The following ATP13A5 variants were observed in gnomAD, a reference collection of about 807,000 sequenced individuals.
ATP13A5 encodes ATPase 13A5.
In ATP13A5, 149 loss-of-function variants were observed where a neutral mutation model predicts 150.2. The observed-to-expected ratio is 0.99, with a 90% CI of 0.87 to 1.14. The LOEUF is 1.14. ATP13A5 is among the 50% of genes most tolerant of loss of function. The probability of loss-of-function intolerance (pLI) is 0.00; values close to 1 mark genes in which losing one functional copy is unlikely to be tolerated. For synonymous variants in ATP13A5, 497 were observed against 522.2 expected, an observed-to-expected ratio of 0.95 and a Z score of 0.66; for missense variants, 1,383 against 1,449.3, an observed-to-expected ratio of 0.95 and a Z score of 0.74.
chr3:193,342,391 G>A (rs1712161882), intron 9 of ATP13A5, among the ~76,000 whole-genome samples: 1 of 152,156 alleles, frequency 6.6e-6, no homozygotes, highest in South Asian at 2.1e-4. Context: ...TATGTAGGCT[G>A]TGCAATAAAG....
chr3:193,345,086 A>G lies in ATP13A5; in HGVS notation c.742-11T>C, dbSNP rs201639084. The G allele has an allele frequency of 1.2e-6, 2 of 1,610,848 alleles. No homozygotes were observed. The highest frequency in any genetic ancestry group is 1.7e-6 in the Non-Finnish European group (2 of 1,177,168). ...CAGCTTAACTGATTGCTACCAAGTA[A>G]AAGTTAACATTTAAACATTAGATAG... On this transcript the variant is annotated splice_polypyrimidine_tract_variant and intron_variant, in intron 7 of 29. Coordinates refer to ENST00000342358, the MANE Select transcript of ATP13A5 (RefSeq NM_198505.4).
At chr3:193,375,642 G>T (rs1327602582) in intron 1 of ATP13A5, among the ~76,000 whole-genome samples, 1 of 152,152 alleles carries the variant, frequency 6.6e-6, no homozygotes, top group African/African-American at 2.4e-5. Flanking sequence ...AATATTGATT[G>T]CAGGGCTGTT....
intron 7 of ATP13A5, 114 bp from the exon 8 acceptor site, chr3:193,345,189 A>G: frequency 3.1e-6 from 3 of 958,402 alleles, no homozygotes; most frequent in Non-Finnish European, 5.0e-6. Context: ...CTCTGGGCAA[A>G]GGACTCAACT....
At chr3:193,370,605 A>G (rs1713405634) in intron 1 of ATP13A5, among the ~76,000 whole-genome samples, 1 of 152,212 alleles carries the variant, frequency 6.6e-6, no homozygotes, top group African/African-American at 2.4e-5. Context: ...GAGAATAATA[A>G]CAGTCACTAT....
chr3:193,314,631 A>T (rs1718979046), intron 18 of ATP13A5, among the ~76,000 whole-genome samples: 1 of 152,176 alleles, frequency 6.6e-6, no homozygotes, highest in African/African-American at 2.4e-5. Flanking sequence ...CTAGAGGACC[A>T]TCAACCAGAG....
intron 29 of ATP13A5, among the ~76,000 whole-genome samples, chr3:193,276,434 ACCTGGTCT>A (rs1717205087): frequency 6.6e-6 from 1 of 152,232 alleles, no homozygotes; most frequent in Non-Finnish European, 1.5e-5. Context: ...TTGGAAGGTC[ACCTGGTCT>A]AGTCTTTACT....
chr3:193,315,178 A>T, intron 17 of ATP13A5, 82 bp from the exon 18 acceptor site: 5 of 1,407,230 alleles, frequency 3.6e-6, no homozygotes, highest in Non-Finnish European at 4.8e-6. Context: ...TTAAAAATTT[A>T]TAAGTTTTAT....
chr3:193,373,984 G>A (rs998503176), intron 1 of ATP13A5, among the ~76,000 whole-genome samples: 1 of 152,194 alleles, frequency 6.6e-6, no homozygotes, highest in African/African-American at 2.4e-5. Context: ...AACACAGATG[G>A]AATTGCTGGG....
At chr3:193,300,406 A>G (rs1718353615) in intron 24 of ATP13A5, among the ~76,000 whole-genome samples, 1 of 152,148 alleles carries the variant, frequency 6.6e-6, no homozygotes, top group African/African-American at 2.4e-5. Flanking sequence ...TCTGACTCCC[A>G]GTCCAGTTCT....
chr3:193,327,027 G>T lies in ATP13A5; in HGVS notation c.1492C>A (p.Leu498Ile), dbSNP rs1162179104. 1 of 1,611,168 alleles carries T rather than the reference G, an allele frequency of 6.2e-7. No homozygotes were observed. The highest frequency in any genetic ancestry group is 8.5e-7 in the Non-Finnish European group (1 of 1,179,366). The change falls in exon 13 of 30, where the codon CTC (leucine) becomes ATC (isoleucine). Residue 498 changes from leucine (L) to isoleucine (I), a missense_variant. By Grantham distance (5) the Leu-to-Ile change is conservative. Transcript: ENST00000342358. Reference protein sequence around the residue: ...TGTLTEDGLDLWGTVPTADNC... With the variant: ...TGTLTEDGLDIWGTVPTADNC... ...TCAGCAGTAGGGACAGTCCCCCAGA[G>T]GTCCAGCCCATCTTCAGTGAGAGTG...
intron 9 of ATP13A5, among the ~76,000 whole-genome samples, chr3:193,341,735 C>A (rs372105192): frequency 2.0e-5 from 3 of 152,154 alleles, no homozygotes; most frequent in African/African-American, 7.2e-5. Context: ...GATATTCACA[C>A]TGGACACTTT....
At chr3:193,330,038 C>T (rs1560135757) in intron 12 of ATP13A5, among the ~76,000 whole-genome samples, 1 of 152,204 alleles carries the variant, frequency 6.6e-6, no homozygotes, top group Admixed American at 6.5e-5. Flanking sequence ...GCTTCATTCT[C>T]TACCTACCAG....
At chr3:193,276,482 T>A (rs1396431948) in intron 29 of ATP13A5, among the ~76,000 whole-genome samples, 1 of 152,176 alleles carries the variant, frequency 6.6e-6, no homozygotes, top group Non-Finnish European at 1.5e-5. Flanking sequence ...AAAAGTGCAA[T>A]ACAGTGCATT....
At chr3:193,314,398 C>T in intron 18 of ATP13A5, 1 of 538,558 alleles carries the variant, frequency 1.9e-6, no homozygotes, top group Non-Finnish European at 3.3e-6. Flanking sequence ...GCATCATATC[C>T]TGGTCCATGT....
At chr3:193,327,730 T>G (rs1719516699) in intron 12 of ATP13A5, among the ~76,000 whole-genome samples, 1 of 152,208 alleles carries the variant, frequency 6.6e-6, no homozygotes, top group African/African-American at 2.4e-5. Context: ...CCGAGTACTA[T>G]CACAGCACTT....
chr3:193,370,740 A>G (rs1477052806), intron 1 of ATP13A5, among the ~76,000 whole-genome samples: 1 of 152,236 alleles, frequency 6.6e-6, no homozygotes, highest in Non-Finnish European at 1.5e-5. Context: ...AGTACTTATT[A>G]GGTGTTATTT....
chr3:193,291,684 T>C (rs1001379966), intron 25 of ATP13A5, among the ~76,000 whole-genome samples: 14 of 151,938 alleles, frequency 9.2e-5, no homozygotes, highest in Non-Finnish European at 2.1e-4. Flanking sequence ...GTCTACATAA[T>C]GAAACCCTAA....
intron 7 of ATP13A5, among the ~76,000 whole-genome samples, chr3:193,346,039 G>C (rs537324865): frequency 6.6e-6 from 1 of 152,214 alleles, no homozygotes; most frequent in South Asian, 2.1e-4. Flanking sequence ...TGGGAGTTAT[G>C]CTGTTAAGTC....
intron 13 of ATP13A5, among the ~76,000 whole-genome samples, chr3:193,326,198 T>A (rs932607002): frequency 6.6e-6 from 1 of 152,158 alleles, no homozygotes; most frequent in African/African-American, 2.4e-5. Flanking sequence ...ACTTAGAGCT[T>A]AAGAGCAGAG....
Sources: gnomAD v4.1 joint callset for allele counts (sites outside exome capture counted in the v4.1 genomes callset) on GRCh38, gnomAD v4.1.1 for gene constraint, MANE v1.5 for transcripts, NCBI Gene and HGNC (gene_info 2026-07-23, HGNC 2026-07-21) for gene names.